Variants in CDRT15L2 observed in about 807,000 individuals in gnomAD.
The protein encoded by CDRT15L2 is CMT1A duplicated region transcript 15 protein-like protein.
In CDRT15L2, 13 loss-of-function variants were observed where a neutral mutation model predicts 21.5. That is an observed-to-expected ratio of 0.60 (90% CI 0.39 to 0.96). The LOEUF is 0.96. Among genes scored for constraint, CDRT15L2 ranks in the 40% least tolerant of loss-of-function variants. The pLI, the probability that CDRT15L2 is intolerant of heterozygous loss-of-function variation, is 0.00. For missense variants in CDRT15L2, 292 were observed against 354.8 expected (o/e 0.82, Z 1.42); for synonymous variants, 121 against 144.9 (o/e 0.84, Z 1.18).
In CDRT15L2 at chr17:20,579,899, G is replaced by A. The variant is rs1305048254; in HGVS notation, c.156G>A (p.Pro52=). ...RRRTQVPQDS[P]GQALAGQATP... ...GCACCCAGGTACCACAGGACAGCCC[G>A]GGGCAGGCCCTAGCTGGCCAGGCCA... Residue 52 remains proline, a synonymous_variant, in exon 1 of 2, where the codon CCG becomes CCA. Coordinates refer to ENST00000399044, the MANE Select transcript of CDRT15L2 (RefSeq NM_001190790.2). 3.7e-6 allele frequency: 6 copies of A among 1,606,172 alleles called. No homozygotes were observed. The highest frequency in any genetic ancestry group is 1.7e-5 in the Admixed American group (1 of 58,772).
chr17:20,580,510 C>T lies in CDRT15L2; in HGVS notation c.627C>T (p.Thr209=). The change falls in exon 2 of 2, where the codon ACC becomes ACT. Residue 209 remains threonine (T), a synonymous_variant. Coordinates refer to ENST00000399044, the MANE Select transcript of CDRT15L2 (RefSeq NM_001190790.2). The stretch of plus-strand genomic sequence containing the variant: ...AGAGGCTTCTCTCATTCGCCGGAAC[C>T]ACAGCCCTGCTGCTGCAGGGCCTGT... ...AGERLLSFAG[T]TALLLQGLFI... 1 of 1,550,786 alleles carries T rather than the reference C, an allele frequency of 6.4e-7. No homozygotes were observed.
Position 20,579,947 on chromosome 17 carries a change from G to A in CDRT15L2, c.204G>A (p.Leu68=), listed in dbSNP as rs1470000213. The change falls in exon 1 of 2, where the codon CTG becomes CTA. Residue 68 remains leucine, a synonymous_variant. Transcript: ENST00000399044. ...GQATPEIPSG[L]PLHIVLVQEE... is the part of the protein sequence containing the mutation. ...CCACACCAGAGATCCCATCGGGGCT[G>A]CCTCTGCACATTGTCCTTGTCCAGG... 1.3e-6 allele frequency: 2 copies of A among 1,585,402 alleles called. No homozygotes were observed. Among genetic ancestry groups the A allele is most frequent in the African/African-American group, 1.3e-5 (1 of 74,230 alleles).
At position 20,580,140 on chromosome 17, in the gene CDRT15L2, C is replaced by T. The variant is rs1464721114; in HGVS notation, c.266-9C>T. On this transcript the variant is annotated splice_polypyrimidine_tract_variant and intron_variant, in intron 1 of 1. Transcript: ENST00000399044. Reference sequence around the variant, plus strand: ...TGACTGATGCTGGTGACCCTTTCTCCTTTTTCAGCTCCTGGTCCGTACGCA... The same window carrying T: ...TGACTGATGCTGGTGACCCTTTCTCTTTTTTCAGCTCCTGGTCCGTACGCA... 2.0e-6 allele frequency: 3 copies of T among 1,474,856 alleles called. No individual in the cohort carries two copies. The highest frequency in any genetic ancestry group is 1.4e-5 in the African/African-American group (1 of 70,520). The allele number at this position is 1,474,856 out of a possible 1,614,324, so 91.4% of individuals were successfully genotyped here.
rs1567684882 is a variant in CDRT15L2 at position 20,580,491 on chromosome 17, TTC to T, written c.613_614del (p.Ser205IlefsTer32). ...CTCCTGTACCTCGCTGGAGAGAGGC[TTC>T]TCTCATTCGCCGGAACCACAGCCCT... On this transcript the variant is annotated frameshift_variant, in exon 2 of 2. Coordinates refer to ENST00000399044, the MANE Select transcript of CDRT15L2 (RefSeq NM_001190790.2). LOFTEE classifies it high-confidence loss of function. 1 of 1,550,590 alleles carries T rather than the reference TTC, an allele frequency of 6.4e-7. No homozygotes were observed. Among genetic ancestry groups the T allele is most frequent in the Admixed American group, 2.0e-5 (1 of 51,010 alleles).
rs1379116127 is a variant in CDRT15L2, at chr17:20,580,445, G to A, written c.562G>A (p.Asp188Asn). The change falls in exon 2 of 2, where the codon GAC becomes AAC. Residue 188 changes from aspartate (D) to asparagine (N), a missense_variant. Coordinates refer to ENST00000399044, the MANE Select transcript of CDRT15L2 (RefSeq NM_001190790.2). ...GCATGGTGGCAAACATGGAGGCGGA[G>A]ACCAGGGCATTCAGACTGGACTCCT... ...PGHGGKHGGGDQGIQTGLLYL... is the reference protein window; with the variant it reads ...PGHGGKHGGGNQGIQTGLLYL... 2 of 1,550,022 alleles carry A rather than the reference G, an allele frequency of 1.3e-6. No homozygotes were observed. Among genetic ancestry groups the A allele is most frequent in the South Asian group, 1.2e-5 (1 of 83,914 alleles).
chr17:20,579,842 C>G lies in CDRT15L2; in HGVS notation c.99C>G (p.His33Gln). The change falls in exon 1 of 2, where the codon CAC (histidine) becomes CAG (glutamine). Residue 33 changes from histidine (H) to glutamine (Q), a missense_variant. Coordinates refer to ENST00000399044, the MANE Select transcript of CDRT15L2 (RefSeq NM_001190790.2). The stretch of plus-strand genomic sequence containing the variant: ...AATGCCGAAGAAGGCTCATCCCTCA[C>G]CCCAGACGCCTGTGGCCCTTTGTAA... ...FRQCRRRLIP[H>Q]PRRLWPFVRR... 6.2e-7 allele frequency: 1 copy of G among 1,612,466 alleles called. No individual in the cohort carries two copies. Among genetic ancestry groups the G allele is most frequent in the Non-Finnish European group, 8.5e-7 (1 of 1,179,706 alleles).
At position 20,580,172 on chromosome 17, in the gene CDRT15L2, G is replaced by C; in HGVS notation, c.289G>C (p.Ala97Pro). The C allele has an allele frequency of 6.7e-7, 1 of 1,483,206 alleles. No individual in the cohort carries two copies. The highest frequency in any genetic ancestry group is 9.0e-7 in the Non-Finnish European group (1 of 1,114,992). 91.9% of individuals were successfully genotyped at this position (1,483,206 alleles called of 1,614,324 possible). A position where few individuals can be genotyped will look rare whatever the true frequency, so the allele number is the denominator to read the frequency against. ...THAPGPYADI[A>P]ALAAPAVEPK... The stretch of plus-strand genomic sequence containing the variant: ...AGCTCCTGGTCCGTACGCAGACATA[G>C]CAGCACTTGCGGCACCGGCTGTCGA... The change falls in exon 2 of 2, where the codon GCA (alanine) becomes CCA (proline). Residue 97 changes from alanine (A) to proline (P), a missense_variant. Ala to Pro is a conservative substitution (Grantham distance 27, BLOSUM62 -1). Coordinates refer to ENST00000399044, the MANE Select transcript of CDRT15L2 (RefSeq NM_001190790.2).
rs2043285051 is a variant in CDRT15L2 at position 20,580,232 on chromosome 17, A to G, written c.349A>G (p.Arg117Gly). 1 of 1,470,542 alleles carries G rather than the reference A, an allele frequency of 6.8e-7. No homozygotes were observed. Among genetic ancestry groups the G allele is most frequent in the South Asian group, 1.4e-5 (1 of 69,156 alleles). 91.1% of individuals were successfully genotyped at this position (1,470,542 alleles called of 1,614,324 possible). A position where few individuals can be genotyped will look rare whatever the true frequency, so the allele number is the denominator to read the frequency against. The change falls in exon 2 of 2, where the codon AGA becomes GGA. Residue 117 changes from arginine to glycine, a missense_variant. Arg to Gly is a moderately radical substitution (Grantham distance 125, BLOSUM62 -2). Coordinates refer to ENST00000399044, the MANE Select transcript of CDRT15L2 (RefSeq NM_001190790.2). ...KPAWEEPPPE[R>G]ALEVEGAPAK... ...AGCATGGGAAGAGCCCCCTCCAGAG[A>G]GAGCGCTGGAGGTGGAGGGAGCTCC...
At position 20,580,441 on chromosome 17, in the gene CDRT15L2, C is replaced by T. The variant is rs1450871149; in HGVS notation, c.558C>T (p.Gly186=). The change falls in exon 2 of 2, where the codon GGC becomes GGT. Residue 186 remains glycine, a synonymous_variant. Transcript: ENST00000399044. ...PSPGHGGKHG[G]GDQGIQTGLL... is the part of the protein sequence containing the mutation. ...CTGGGCATGGTGGCAAACATGGAGGCGGAGACCAGGGCATTCAGACTGGAC... is the reference window on the plus strand; with the variant it reads ...CTGGGCATGGTGGCAAACATGGAGGTGGAGACCAGGGCATTCAGACTGGAC... 22 of 1,548,842 alleles carry T rather than the reference C, an allele frequency of 1.4e-5. No homozygotes were observed. The highest frequency in any genetic ancestry group is 4.1e-5 in the African/African-American group (3 of 72,906).
rs1283704007 is a variant in CDRT15L2, at chr17:20,580,170, T to G, written c.287T>G (p.Ile96Arg). The G allele has an allele frequency of 6.7e-6, 10 of 1,484,374 alleles. No individual in the cohort carries two copies. The Admixed American group carries it at 2.5e-4, about 36-fold the overall frequency. The allele number at this position is 1,484,374 out of a possible 1,614,324, so 92.0% of individuals were successfully genotyped here. The change falls in exon 2 of 2, where the codon ATA becomes AGA. Residue 96 changes from isoleucine to arginine, a missense_variant. Physicochemically the swap from Ile to Arg is moderately conservative, Grantham distance 97. Coordinates refer to ENST00000399044, the MANE Select transcript of CDRT15L2 (RefSeq NM_001190790.2). ...QTHAPGPYAD[I>R]AALAAPAVEP... ...TCAGCTCCTGGTCCGTACGCAGACA[T>G]AGCAGCACTTGCGGCACCGGCTGTC...
rs555379897 is a variant in CDRT15L2 at position 20,579,995 on chromosome 17, G to A, written c.252G>A (p.Glu84=). The change falls in exon 1 of 2, where the codon GAG becomes GAA. Residue 84 remains glutamate (E), a synonymous_variant. Coordinates refer to ENST00000399044, the MANE Select transcript of CDRT15L2 (RefSeq NM_001190790.2). ...LVQEEIREPM[E]AQTHAPGPYA... is the part of the protein sequence containing the mutation. ...AGGAGGAGATTCGGGAGCCCATGGA[G>A]GCACAGACACATGGTGAGGTGGCTG... 51 of 1,549,216 alleles carry A rather than the reference G, an allele frequency of 3.3e-5. No homozygotes were observed. In the African/African-American group the frequency reaches 3.7e-4, roughly 11 times the overall value.
In CDRT15L2 at chr17:20,580,712, C is replaced by A. The variant is rs760512818; in HGVS notation, c.829C>A (p.Pro277Thr). 8 of 1,565,368 alleles carry A rather than the reference C, an allele frequency of 5.1e-6. No individual in the cohort carries two copies. The highest frequency in any genetic ancestry group is 2.4e-5 in the South Asian group (2 of 84,968). Residue 277 changes from proline to threonine, a missense_variant, in exon 2 of 2, where the codon CCC (proline) becomes ACC (threonine). Pro to Thr is a conservative substitution (Grantham distance 38). Transcript: ENST00000399044. ...CAGGCTGTTTGCCCCTAATGTGCTG[C>A]CCCGAACGGGCTCTTAACAGGTGGG... The part of the protein sequence containing the change: ...ASRLFAPNVL[P>T]RTGS
Position 20,579,916 on chromosome 17 carries a change from G to T in CDRT15L2, c.173G>T (p.Gly58Val), listed in dbSNP as rs1212229969. ...GACAGCCCGGGGCAGGCCCTAGCTG[G>T]CCAGGCCACACCAGAGATCCCATCG... is the stretch of plus-strand genomic sequence containing the variant. The part of the protein sequence containing the change: ...PQDSPGQALA[G>V]QATPEIPSGL... The change falls in exon 1 of 2, where the codon GGC (glycine) becomes GTC (valine). Residue 58 changes from glycine (G) to valine (V), a missense_variant. By Grantham distance (109) the Gly-to-Val change is moderately radical. Coordinates refer to ENST00000399044, the MANE Select transcript of CDRT15L2 (RefSeq NM_001190790.2). 1 of 1,602,508 alleles carries T rather than the reference G, an allele frequency of 6.2e-7. No homozygotes were observed. Among genetic ancestry groups the T allele is most frequent in the East Asian group, 2.3e-5 (1 of 44,338 alleles).
Position 20,580,181 on chromosome 17 carries a change from G to C in CDRT15L2, c.298G>C (p.Ala100Pro), listed in dbSNP as rs2043284544. Reference protein sequence around the residue: ...PGPYADIAALAAPAVEPKPAW... With the variant: ...PGPYADIAALPAPAVEPKPAW... ...TCCGTACGCAGACATAGCAGCACTT[G>C]CGGCACCGGCTGTCGAGCCAAAGCC... Residue 100 changes from alanine to proline, a missense_variant, in exon 2 of 2, where the codon GCG becomes CCG. Transcript: ENST00000399044. 2 of 1,477,980 alleles carry C rather than the reference G, an allele frequency of 1.4e-6. No homozygotes were observed. Among genetic ancestry groups the C allele is most frequent in the Admixed American group, 5.1e-5 (2 of 39,404 alleles). The allele number at this position is 1,477,980 out of a possible 1,614,324, so 91.6% of individuals were successfully genotyped here. A position where few individuals can be genotyped will look rare whatever the true frequency, so the allele number is the denominator to read the frequency against.
In CDRT15L2 at chr17:20,580,501, C is replaced by A; in HGVS notation, c.618C>A (p.Phe206Leu). 6.4e-7 allele frequency: 1 copy of A among 1,550,674 alleles called. No individual in the cohort carries two copies. The highest frequency in any genetic ancestry group is 8.7e-7 in the Non-Finnish European group (1 of 1,147,016). Residue 206 changes from phenylalanine (F) to leucine (L), a missense_variant, in exon 2 of 2, where the codon TTC (phenylalanine) becomes TTA (leucine). By Grantham distance (22) the Phe-to-Leu change is conservative (BLOSUM62 0). Coordinates refer to ENST00000399044, the MANE Select transcript of CDRT15L2 (RefSeq NM_001190790.2). ...TCGCTGGAGAGAGGCTTCTCTCATT[C>A]GCCGGAACCACAGCCCTGCTGCTGC... Reference protein sequence around the residue: ...LYLAGERLLSFAGTTALLLQG... With the variant: ...LYLAGERLLSLAGTTALLLQG...
chr17:20,580,466 C>T lies in CDRT15L2; in HGVS notation c.583C>T (p.Leu195Phe). 1 of 1,550,452 alleles carries T rather than the reference C, an allele frequency of 6.4e-7. No homozygotes were observed. Among genetic ancestry groups the T allele is most frequent in the Non-Finnish European group, 8.7e-7 (1 of 1,146,918 alleles). Reference sequence around the variant, plus strand: ...CGGAGACCAGGGCATTCAGACTGGACTCCTGTACCTCGCTGGAGAGAGGCT... The same window carrying T: ...CGGAGACCAGGGCATTCAGACTGGATTCCTGTACCTCGCTGGAGAGAGGCT... ...GGGDQGIQTG[L>F]LYLAGERLLS... The change falls in exon 2 of 2, where the codon CTC (leucine) becomes TTC (phenylalanine). Residue 195 changes from leucine (L) to phenylalanine (F), a missense_variant. Physicochemically the swap from Leu to Phe is conservative, Grantham distance 22 (BLOSUM62 0). Coordinates refer to ENST00000399044, the MANE Select transcript of CDRT15L2 (RefSeq NM_001190790.2).
rs2142543133 is a variant in CDRT15L2, at chr17:20,580,822, A to C, written c.*93A>C. On this transcript the variant is annotated 3_prime_UTR_variant, in exon 2 of 2. Transcript: ENST00000399044. ...ACAGCTGTTGTGCTCCAGGCTCTCC[A>C]TGCCACCACCTGCCCTAGCATTTAT... The C allele has an allele frequency of 4.2e-6, 3 of 720,060 alleles. No homozygotes were observed. Among genetic ancestry groups the C allele is most frequent in the East Asian group, 2.7e-5 (1 of 36,560 alleles). 44.6% of individuals were successfully genotyped at this position (720,060 alleles called of 1,614,324 possible).
rs534612527 is a variant in CDRT15L2 at position 20,580,009 on chromosome 17, G to A, written c.265+1G>A. 11 of 1,529,848 alleles carry A rather than the reference G, an allele frequency of 7.2e-6. No individual in the cohort carries two copies. In the Admixed American group the frequency reaches 2.4e-4, roughly 33 times the overall value. 94.8% of individuals were successfully genotyped at this position (1,529,848 alleles called of 1,614,324 possible). ...GAGCCCATGGAGGCACAGACACATG[G>A]TGAGGTGGCTGCAGCCTGGAAGACT... is the stretch of plus-strand genomic sequence containing the variant. On this transcript the variant is annotated splice_donor_variant, in intron 1 of 1. Coordinates refer to ENST00000399044, the MANE Select transcript of CDRT15L2 (RefSeq NM_001190790.2). LOFTEE classifies it high-confidence loss of function.
Position 20,580,558 on chromosome 17 carries a change from G to C in CDRT15L2, c.675G>C (p.Gly225=), listed in dbSNP as rs753892895. The change falls in exon 2 of 2, where the codon GGG becomes GGC. Residue 225 remains glycine, a synonymous_variant. Transcript: ENST00000399044. ...TGTTTATTGTGCTAATTCTGGTGGG[G>C]TATATCTCTGTGAAGGTGATGCTCA... ...QGLFIVLILV[G]YISVKVMLKS... 5 of 1,551,120 alleles carry C rather than the reference G, an allele frequency of 3.2e-6. No homozygotes were observed. The Admixed American group carries it at 9.8e-5, about 30-fold the overall frequency.
Sources: gnomAD v4.1 joint callset for allele counts on GRCh38, gnomAD v4.1.1 for gene constraint, MANE v1.5 for transcripts, NCBI Gene and HGNC (gene_info 2026-07-23, HGNC 2026-07-21) for gene names.